Variants in NRXN3 observed in about 807,000 individuals in gnomAD.
NRXN3 encodes the protein neurexin III.
A neutral mutation model predicts 137.6 loss-of-function variants in NRXN3; 32 were observed. The observed-to-expected ratio is 0.23, with a 90% CI of 0.18 to 0.31. The LOEUF (loss-of-function observed/expected upper bound fraction) is 0.31. Ranked by LOEUF, NRXN3 falls within the 10% of genes least tolerant of loss-of-function variation. NRXN3 has a pLI of 1.00. For synonymous variants in NRXN3, 798 were observed against 784.5 expected (o/e 1.02, Z -0.29); for missense variants, 1,574 against 2,062.5 (o/e 0.76, Z 4.59).
chr14:79,706,202 T>C (rs17836288), intron 19 of NRXN3, among the ~76,000 whole-genome samples: 25,674 of 152,166 alleles, frequency 0.17, 2,835 homozygotes, highest in South Asian at 0.3. Flanking sequence ...TTTTGTTAGC[T>C]TCCAGTCTTG....
chr14:78,243,301 G>C lies in NRXN3; in HGVS notation c.208G>C (p.Gly70Arg). ...GGGGCTGCTCCTCTACCTGGATGATGGCGGCGTCTGCGACTTCCTATGCCT... is the reference window on the plus strand; with the variant it reads ...GGGGCTGCTCCTCTACCTGGATGATCGCGGCGTCTGCGACTTCCTATGCCT... Reference protein sequence around the residue: ...STGLLLYLDDGGVCDFLCLSL... With the variant: ...STGLLLYLDDRGVCDFLCLSL... The change falls in exon 2 of 21, where the codon GGC becomes CGC. Residue 70 changes from glycine to arginine, a missense_variant. Gly to Arg is a moderately radical substitution (Grantham distance 125). This residue lies in a region of NRXN3 where 400 missense variants were observed against 527.3 expected (regional missense o/e 0.76). Coordinates refer to ENST00000335750, the MANE Select transcript of NRXN3 (RefSeq NM_001330195.2). This position sits in a 1 kb window ranked among gnomAD's most constrained non-coding sequence, Gnocchi z 4.2. 1 of 1,559,538 alleles carries C rather than the reference G, an allele frequency of 6.4e-7. No individual in the cohort carries two copies. The highest frequency in any genetic ancestry group is 8.6e-7 in the Non-Finnish European group (1 of 1,160,314).
intron 19 of NRXN3, among the ~76,000 whole-genome samples, chr14:79,743,550 G>A: frequency 6.6e-6 from 1 of 152,110 alleles, no homozygotes; most frequent in East Asian, 1.9e-4. Context: ...GTTTAGGATG[G>A]GTTCTGAGAA....
chr14:79,017,076 T>A (rs2099580498), intron 15 of NRXN3, among the ~76,000 whole-genome samples: 1 of 152,116 alleles, frequency 6.6e-6, no homozygotes, highest in African/African-American at 2.4e-5. Context: ...TGCAAAGCAA[T>A]GTCAATTTCT....
intron 16 of NRXN3, among the ~76,000 whole-genome samples, chr14:79,652,153 T>G (rs1201851389): frequency 6.6e-6 from 1 of 152,136 alleles, no homozygotes; most frequent in African/African-American, 2.4e-5. Flanking sequence ...TGTGTAAGTT[T>G]TAAGGTTTTA....
intron 16 of NRXN3, among the ~76,000 whole-genome samples, chr14:79,581,013 G>C (rs1213922193): frequency 3.3e-5 from 5 of 151,978 alleles, no homozygotes; most frequent in African/African-American, 1.2e-4. Context: ...TCTGTTCAGG[G>C]AGCAGAGGAG....
chr14:78,264,766 G>C (rs1235096443), intron 2 of NRXN3, among the ~76,000 whole-genome samples: 1 of 152,164 alleles, frequency 6.6e-6, no homozygotes, highest in Non-Finnish European at 1.5e-5. Context: ...ATTTATCAGG[G>C]GATTTGTTTG....
intron 19 of NRXN3, among the ~76,000 whole-genome samples, chr14:79,729,238 G>A (rs2098911817): frequency 6.6e-6 from 1 of 152,108 alleles, no homozygotes; most frequent in Non-Finnish European, 1.5e-5. Context: ...TTTTTCTTTA[G>A]GGGAAAATCA....
At chr14:79,266,799 A>T (rs1003727953) in intron 15 of NRXN3, among the ~76,000 whole-genome samples, 3 of 152,232 alleles carry the variant, frequency 2.0e-5, no homozygotes, top group African/African-American at 7.2e-5. Context: ...CTAAGACTCC[A>T]ACAAATTATA....
chr14:79,371,426 C>T (rs906503443), intron 15 of NRXN3, among the ~76,000 whole-genome samples: 1 of 151,986 alleles, frequency 6.6e-6, no homozygotes, highest in Non-Finnish European at 1.5e-5. Flanking sequence ...GAATCCCAGA[C>T]TGGTCCTACT....
intron 15 of NRXN3, among the ~76,000 whole-genome samples, chr14:79,333,875 G>A (rs533299436): frequency 9.2e-5 from 14 of 152,090 alleles, no homozygotes; most frequent in Non-Finnish European, 1.5e-4. Flanking sequence ...GAACTGTTGA[G>A]AATTTGAATC....
chr14:79,562,240 A>G (rs1466953069), intron 16 of NRXN3, among the ~76,000 whole-genome samples: 5 of 152,140 alleles, frequency 3.3e-5, no homozygotes, highest in African/African-American at 4.8e-5. Flanking sequence ...TCATTCTACT[A>G]TTCTAATAAC....
intron 16 of NRXN3, among the ~76,000 whole-genome samples, chr14:79,623,968 T>C (rs2098253914): frequency 6.6e-6 from 1 of 151,926 alleles, no homozygotes; most frequent in African/African-American, 2.4e-5. Context: ...CCCATCCTCT[T>C]GGAAGGGTGT....
At chr14:78,301,013 A>G (rs574692368) in intron 4 of NRXN3, among the ~76,000 whole-genome samples, 1 of 152,188 alleles carries the variant, frequency 6.6e-6, no homozygotes, top group South Asian at 2.1e-4. Flanking sequence ...TATTGAGGGA[A>G]CAGGGGAAGT....
chr14:79,786,332 T>C (rs1017010834), intron 19 of NRXN3, among the ~76,000 whole-genome samples: 1 of 152,178 alleles, frequency 6.6e-6, no homozygotes, highest in Non-Finnish European at 1.5e-5. Flanking sequence ...AATGCAGATA[T>C]TGTTATGGAT....
At chr14:78,735,978 A>G (rs1457171517) in intron 8 of NRXN3, among the ~76,000 whole-genome samples, 1 of 152,096 alleles carries the variant, frequency 6.6e-6, no homozygotes, top group Non-Finnish European at 1.5e-5. Context: ...CCTCCTTTAT[A>G]TGGCCGTTTC....
intron 4 of NRXN3, among the ~76,000 whole-genome samples, chr14:78,450,495 C>T (rs1250380246): frequency 6.6e-6 from 1 of 152,168 alleles, no homozygotes; most frequent in African/African-American, 2.4e-5. Flanking sequence ...CATTCCTCCC[C>T]TAAAGCCCTG....
intron 10 of NRXN3, among the ~76,000 whole-genome samples, chr14:78,867,802 C>T (rs1276928875): frequency 6.6e-6 from 1 of 152,058 alleles, no homozygotes; most frequent in African/African-American, 2.4e-5. Flanking sequence ...CGACTGTCCA[C>T]TCTTTATCAA....
At chr14:78,978,191 T>C (rs2099475715) in intron 14 of NRXN3, among the ~76,000 whole-genome samples, 1 of 152,200 alleles carries the variant, frequency 6.6e-6, no homozygotes. Flanking sequence ...CATAAGCATC[T>C]GAACATGCTT....
intron 1 of NRXN3, among the ~76,000 whole-genome samples, chr14:78,238,699 A>C (rs778743376): frequency 1.3e-5 from 2 of 152,242 alleles, no homozygotes; most frequent in Admixed American, 6.5e-5. Flanking sequence ...TGATGTTATC[A>C]CTTCTGAAAC....
Sources: allele counts gnomAD v4.1 joint callset (sites outside exome capture counted in the v4.1 genomes callset), GRCh38; gene constraint gnomAD v4.1.1; regional missense constraint gnomAD v4.1.1; non-coding constraint Gnocchi (gnomAD v3.1); transcripts MANE v1.5; gene names NCBI Gene and HGNC (gene_info 2026-07-23, HGNC 2026-07-21).